The following NCAPD3 variants were observed in gnomAD, a reference collection of about 807,000 sequenced individuals.
The protein encoded by NCAPD3 is non-SMC condensin II complex subunit D3.
A neutral mutation model predicts 182.9 loss-of-function variants in NCAPD3; 105 were observed. That is an observed-to-expected ratio of 0.57 (90% CI 0.49 to 0.68). The LOEUF is 0.68. Ranked by LOEUF, NCAPD3 falls within the 30% of genes least tolerant of loss-of-function variation. The probability of loss-of-function intolerance (pLI) is 0.00; values close to 1 mark genes in which losing one functional copy is unlikely to be tolerated. For missense variants in NCAPD3, 1,944 were observed against 1,837.0 expected, an observed-to-expected ratio of 1.06 and a Z score of -1.07; for synonymous variants, 815 against 679.9, an observed-to-expected ratio of 1.20 and a Z score of -3.09.
chr11:134,182,192 T>A (rs1427496299), intron 19 of NCAPD3, among the ~76,000 whole-genome samples: 2 of 152,198 alleles, frequency 1.3e-5, no homozygotes, highest in African/African-American at 4.8e-5. Context: ...CTGGGAAAGC[T>A]GACAAGGCCA....
At chr11:134,203,629 C>T (rs1944793124) in intron 11 of NCAPD3, 25 bp downstream of exon 11, 1 of 1,602,670 alleles carries the variant, frequency 6.2e-7, no homozygotes, top group Non-Finnish European at 8.5e-7. Flanking sequence ...GACCGGTTTA[C>T]TGTCCCAATA....
intron 29 of NCAPD3, among the ~76,000 whole-genome samples, chr11:134,158,939 T>G (rs1175652576): frequency 3.3e-5 from 5 of 152,232 alleles, no homozygotes; most frequent in African/African-American, 7.2e-5. Flanking sequence ...TCTTTCTGTG[T>G]TTGGCTTATT....
Position 134,158,500 on chromosome 11 carries a change from T to TA in NCAPD3, c.3868-6dup. On this transcript the variant is annotated splice_region_variant and splice_polypyrimidine_tract_variant and intron_variant, in intron 29 of 34. Coordinates refer to ENST00000534548, the MANE Select transcript of NCAPD3 (RefSeq NM_015261.3). ...TGTTTCTAAACACAGGGCAACCTGGTAGAGAAGATAAAGAGTATGTACATT... is the reference window on the plus strand; with the variant it reads ...TGTTTCTAAACACAGGGCAACCTGGTAAGAGAAGATAAAGAGTATGTACATT... 6.2e-7 allele frequency: 1 copy of TA among 1,612,246 alleles called. No homozygotes were observed. The highest frequency in any genetic ancestry group is 1.1e-5 in the South Asian group (1 of 91,062).
chr11:134,189,609 T>A (rs1439657208), intron 16 of NCAPD3, among the ~76,000 whole-genome samples: 1 of 152,200 alleles, frequency 6.6e-6, no homozygotes, highest in Non-Finnish European at 1.5e-5. Flanking sequence ...GAGAACATTA[T>A]CCTATTAATA....
In NCAPD3 at chr11:134,181,150, G is replaced by A; in HGVS notation, c.2486C>T (p.Ser829Phe). ...GTTGGAGAGGCGGTGCTCGCAGGTG[G>A]AGAGTACATCCCCACACACCTGCGT... ...LLTQVCGDVL[S>F]TCEHRLSNIV... Residue 829 changes from serine to phenylalanine, a missense_variant, in exon 20 of 35, where the codon TCC (serine) becomes TTC (phenylalanine). Physicochemically the swap from Ser to Phe is radical, Grantham distance 155. Around this residue, in one of 3 missense-constraint regions of NCAPD3, gnomAD observed 1,803 missense variants for 1,674.6 expected, o/e 1.08. Transcript: ENST00000534548. The A allele has an allele frequency of 3.1e-6, 5 of 1,614,058 alleles. No homozygotes were observed. The highest frequency in any genetic ancestry group is 4.2e-6 in the Non-Finnish European group (5 of 1,179,962).
intron 22 of NCAPD3, 106 bp from the exon 23 acceptor site, chr11:134,177,563 T>G: frequency 1.1e-6 from 1 of 935,670 alleles, no homozygotes; most frequent in Non-Finnish European, 1.6e-6. Flanking sequence ...TCATCAAAGT[T>G]AAAACATCAT....
At chr11:134,161,927 G>C (rs372445842) in intron 27 of NCAPD3, 36 bp from the exon 28 acceptor site, 2 of 1,141,904 alleles carry the variant, frequency 1.8e-6, no homozygotes, top group African/African-American at 2.3e-5. Context: ...TTAGATGTAT[G>C]AACTTCTGAA....
intron 20 of NCAPD3, among the ~76,000 whole-genome samples, chr11:134,180,263 G>T (rs1376583493): frequency 6.6e-6 from 1 of 152,028 alleles, no homozygotes; most frequent in African/African-American, 2.4e-5. Context: ...ATCTAAGCTT[G>T]GTCGGTGATC....
In NCAPD3 at chr11:134,208,953, T is replaced by TAAA; in HGVS notation, c.795-5_795-3dup. 1 of 1,328,382 alleles carries TAAA rather than the reference T, an allele frequency of 7.5e-7. No individual in the cohort carries two copies. The highest frequency in any genetic ancestry group is 1.0e-6 in the Non-Finnish European group (1 of 979,258). The allele number at this position is 1,328,382 out of a possible 1,614,324, so 82.3% of individuals were successfully genotyped here. ...ATGTATTTTGCTTGGTTAAGAGCTC[T>TAAA]AAAAAAAAAAGACGAAATATTAGTT... On this transcript the variant is annotated splice_polypyrimidine_tract_variant and splice_region_variant and intron_variant, in intron 6 of 34. Transcript: ENST00000534548.
chr11:134,158,159 G>A (rs548200860), intron 30 of NCAPD3, 92 bp from the exon 31 acceptor site: 62 of 1,533,042 alleles, frequency 4.0e-5, no homozygotes, highest in Admixed American at 4.0e-4. Flanking sequence ...CCTCCTCACC[G>A]GCGCATCCCT....
rs766927270 is a variant in NCAPD3 at position 134,168,175 on chromosome 11, G to C, written c.3394C>G (p.Leu1132Val). ...SILACFADGI[L>V]PLDLDASELL... ...TCACTGGCGTCCAGGTCCAGGGGTA[G>C]GATGCCATCAGCAAAGCACGCTGAG... Residue 1132 changes from leucine to valine, a missense_variant, in exon 27 of 35, where the codon CTA becomes GTA. Leu to Val is a conservative substitution (Grantham distance 32, BLOSUM62 1). Around this residue, in one of 3 missense-constraint regions of NCAPD3, gnomAD observed 1,803 missense variants for 1,674.6 expected, o/e 1.08. Coordinates refer to ENST00000534548, the MANE Select transcript of NCAPD3 (RefSeq NM_015261.3). 15 of 1,613,952 alleles carry C rather than the reference G, an allele frequency of 9.3e-6. No individual in the cohort carries two copies. The highest frequency in any genetic ancestry group is 1.3e-5 in the Non-Finnish European group (15 of 1,179,946).
At chr11:134,169,199 T>C in intron 24 of NCAPD3, 145 bp from the exon 25 acceptor site, 1 of 736,198 alleles carries the variant, frequency 1.4e-6, no homozygotes, top group Non-Finnish European at 2.0e-6. Flanking sequence ...TTCCCTCGGA[T>C]CCAAAGAAGA....
chr11:134,212,397 G>T (rs561207525), intron 3 of NCAPD3, among the ~76,000 whole-genome samples: 1 of 151,726 alleles, frequency 6.6e-6, no homozygotes, highest in South Asian at 2.1e-4. Flanking sequence ...GTGTGTGTGT[G>T]TGTGTGTGTG....
At chr11:134,207,777 GAGACACA>G (rs1418961584) in intron 7 of NCAPD3, among the ~76,000 whole-genome samples, 1 of 143,704 alleles carries the variant, frequency 7.0e-6, no homozygotes, top group African/African-American at 2.6e-5. Flanking sequence ...ACCATCTTTA[GAGACACA>G]GTAGACCTAA....
At position 134,163,988 on chromosome 11, in the gene NCAPD3, A is replaced by G. The variant is rs569455752; in HGVS notation, c.3574-2097T>C. On this transcript the variant is annotated intron_variant, in intron 27 of 34. Transcript: ENST00000534548. ...AAAGGGTGGTAAGGAAACCATGGAA[A>G]TGGGATAAGCTTAAATAAGGTCAGA... Among the ~76,000 whole-genome samples, 5 of 152,266 alleles carry G rather than the reference A, an allele frequency of 3.3e-5. No individual in the cohort carries two copies. The East Asian group carries it at 7.7e-4, about 23-fold the overall frequency.
intron 7 of NCAPD3, 146 bp downstream of exon 7, chr11:134,208,718 T>C: frequency 1.6e-6 from 1 of 640,798 alleles, no homozygotes; most frequent in Non-Finnish European, 2.7e-6. Flanking sequence ...TAGTGATACT[T>C]TTTATTATGC....
upstream of NCAPD3, chr11:134,225,073 C>T (rs956847287): frequency 1.3e-6 from 2 of 1,530,094 alleles, no homozygotes; most frequent in African/African-American, 2.7e-5. Context: ...AGCCCGCGCC[C>T]CGGTGCGAGG....
chr11:134,178,793 G>C lies in NCAPD3; in HGVS notation c.2674+29C>G, dbSNP rs760324165. ...GACAGAACCTTGAAACGGCATGCGT[G>C]CTACAGAGTATGATTTCAAATGCCT... On this transcript the variant is annotated intron_variant, in intron 21 of 34. Transcript: ENST00000534548. 3.1e-6 allele frequency: 5 copies of C among 1,611,942 alleles called. No individual in the cohort carries two copies. The South Asian group carries it at 5.5e-5, about 18-fold the overall frequency.
intron 3 of NCAPD3, among the ~76,000 whole-genome samples, chr11:134,212,812 C>T (rs1937885568): frequency 6.6e-6 from 1 of 152,130 alleles, no homozygotes; most frequent in South Asian, 2.1e-4. Context: ...AAAACATACA[C>T]ATACATGCAA....
Sources: gnomAD v4.1 joint callset for allele counts (sites outside exome capture counted in the v4.1 genomes callset) on GRCh38, gnomAD v4.1.1 for gene constraint, gnomAD v4.1.1 regional missense constraint, MANE v1.5 for transcripts, NCBI Gene and HGNC (gene_info 2026-07-23, HGNC 2026-07-21) for gene names.